PDE4B: variants seen among roughly 807,000 people sequenced by gnomAD.
The protein encoded by PDE4B is phosphodiesterase 4B.
PDE4B carries 20 observed loss-of-function variants against 82.2 expected under a neutral mutation model. The observed-to-expected ratio is 0.24, with a 90% CI of 0.17 to 0.35. The LOEUF is 0.35. Ranked by LOEUF, PDE4B falls within the 10% of genes least tolerant of loss-of-function variation. PDE4B has a pLI of 1.00. For missense variants in PDE4B, 655 were observed against 907.2 expected, an observed-to-expected ratio of 0.72 and a Z score of 3.57; for synonymous variants, 320 against 318.9, an observed-to-expected ratio of 1.00 and a Z score of -0.04.
chr1:66,187,691 A>G (rs1647307246), intron 3 of PDE4B, among the ~76,000 whole-genome samples: 1 of 144,552 alleles, frequency 6.9e-6, no homozygotes, highest in African/African-American at 2.6e-5. Flanking sequence ...CCCCTTTATC[A>G]TTTTTTATTG....
chr1:66,111,131 C>T (rs1475082806), intron 3 of PDE4B, among the ~76,000 whole-genome samples: 3 of 151,962 alleles, frequency 2.0e-5, no homozygotes, highest in Non-Finnish European at 2.9e-5. Flanking sequence ...ATTTAAGGCA[C>T]ACCAAATTCT....
At chr1:65,810,207 C>G (rs780375977) in intron 1 of PDE4B, among the ~76,000 whole-genome samples, 1 of 152,220 alleles carries the variant, frequency 6.6e-6, no homozygotes, top group Non-Finnish European at 1.5e-5. Context: ...TCCACACTTT[C>G]TGCTCTAGCA....
intron 3 of PDE4B, among the ~76,000 whole-genome samples, chr1:66,076,290 T>G (rs1656433501): frequency 6.6e-6 from 1 of 152,200 alleles, no homozygotes. Flanking sequence ...TGGGTTTCCA[T>G]TTCTGCATTA....
intron 3 of PDE4B, among the ~76,000 whole-genome samples, chr1:66,050,261 T>A (rs1490931897): frequency 6.6e-6 from 1 of 152,134 alleles, no homozygotes; most frequent in Non-Finnish European, 1.5e-5. Context: ...ACTCAGCTGC[T>A]TAAATGATCT....
At chr1:66,080,751 C>T (rs1656680912) in intron 3 of PDE4B, among the ~76,000 whole-genome samples, 1 of 151,986 alleles carries the variant, frequency 6.6e-6, no homozygotes, top group Non-Finnish European at 1.5e-5. Flanking sequence ...TTCTTTTCTT[C>T]TTTGTTAACT....
chr1:66,192,108 TA>T (rs946913645), intron 3 of PDE4B, among the ~76,000 whole-genome samples: 1 of 152,100 alleles, frequency 6.6e-6, no homozygotes, highest in African/African-American at 2.4e-5. Flanking sequence ...CCTGATGTAC[TA>T]AAAAAGGCTT....
chr1:66,303,417 G>C (rs6683977), intron 7 of PDE4B, among the ~76,000 whole-genome samples: 59,243 of 151,296 alleles, frequency 0.39, 14,916 homozygotes, highest in Non-Finnish European at 0.56. Flanking sequence ...AATATAATCT[G>C]TCACCTCATA....
At chr1:66,238,421 A>AGTGACATGATTTTATTATTGTGTTAAAAG (rs1271777923) in intron 3 of PDE4B, among the ~76,000 whole-genome samples, 1 of 152,196 alleles carries the variant, frequency 6.6e-6, no homozygotes, top group Non-Finnish European at 1.5e-5. Flanking sequence ...TCCTACAGGC[A>AGTGACATGATTTTATTATTGTGTTAAAAG]GTGACATGAT....
intron 3 of PDE4B, among the ~76,000 whole-genome samples, chr1:65,991,478 T>C (rs1021062550): frequency 6.6e-5 from 10 of 152,198 alleles, no homozygotes; most frequent in African/African-American, 2.4e-4. Context: ...ATCATTTCTT[T>C]TCTGTCACTC....
intron 13 of PDE4B, 27 bp downstream of exon 13, chr1:66,365,793 C>T: frequency 7.7e-7 from 1 of 1,292,998 alleles, no homozygotes; most frequent in South Asian, 1.3e-5. Flanking sequence ...AGCAGTCATT[C>T]CAGATAATTG....
chr1:66,198,664 G>T (rs1423236289), intron 3 of PDE4B, among the ~76,000 whole-genome samples: 1 of 152,076 alleles, frequency 6.6e-6, no homozygotes, highest in African/African-American at 2.4e-5. Flanking sequence ...CAACGTGCAG[G>T]TTTGTTACAT....
At chr1:65,859,967 G>A (rs542028549) in intron 1 of PDE4B, among the ~76,000 whole-genome samples, 32 of 152,288 alleles carry the variant, frequency 2.1e-4, no homozygotes, top group Middle Eastern at 6.8e-3. Context: ...ACTGATCTAT[G>A]TTCTTTGATT....
chr1:66,278,311 T>G (rs561117748), intron 7 of PDE4B, among the ~76,000 whole-genome samples: 1 of 152,346 alleles, frequency 6.6e-6, no homozygotes, highest in African/African-American at 2.4e-5. Context: ...TGAATGACTT[T>G]GCAGCTGCCC....
rs116466407 is a variant in PDE4B, at chr1:66,089,024, C to T, written c.282-158436C>T. ...AGAATGAGAAATAAAATGTACTGCA[C>T]TAAGCCACTGAGATTGACATTGTTG... On this transcript the variant is annotated intron_variant, in intron 3 of 16. Coordinates refer to ENST00000341517, the MANE Select transcript of PDE4B (RefSeq NM_002600.4). Among the ~76,000 whole-genome samples, 1,500 of 152,192 alleles carry T rather than the reference C, an allele frequency of 9.9e-3. 16 individuals carry two copies. The highest frequency in any genetic ancestry group is 0.016 in the Non-Finnish European group (1,064 of 68,006).
At chr1:66,045,599 T>G (rs1366167501) in intron 3 of PDE4B, among the ~76,000 whole-genome samples, 1 of 151,724 alleles carries the variant, frequency 6.6e-6, no homozygotes, top group Non-Finnish European at 1.5e-5. Context: ...ATATGGAAGA[T>G]ACTCAGGTTC....
intron 3 of PDE4B, among the ~76,000 whole-genome samples, chr1:66,203,856 C>A (rs1477605408): frequency 6.6e-6 from 1 of 152,202 alleles, no homozygotes; most frequent in East Asian, 1.9e-4. Context: ...CTTGTCAAGT[C>A]ATTCTCCGTC....
chr1:66,241,651 A>G (rs1652898316), intron 3 of PDE4B, among the ~76,000 whole-genome samples: 1 of 152,140 alleles, frequency 6.6e-6, no homozygotes, highest in Non-Finnish European at 1.5e-5. Flanking sequence ...GTTTCTGAGT[A>G]CAACCGAGGA....
At chr1:66,199,099 G>C (rs1056907975) in intron 3 of PDE4B, among the ~76,000 whole-genome samples, 1 of 151,892 alleles carries the variant, frequency 6.6e-6, no homozygotes, top group East Asian at 1.9e-4. Flanking sequence ...ATAGCAGCAT[G>C]ATTTATAGTC....
chr1:66,349,399 T>C (rs1661657283), intron 8 of PDE4B, among the ~76,000 whole-genome samples: 1 of 152,216 alleles, frequency 6.6e-6, no homozygotes, highest in African/African-American at 2.4e-5. Context: ...CACTCAATTC[T>C]AACATGTTTA....
Sources: gnomAD v4.1 joint callset for allele counts (sites outside exome capture counted in the v4.1 genomes callset) on GRCh38, gnomAD v4.1.1 for gene constraint, MANE v1.5 for transcripts, NCBI Gene and HGNC (gene_info 2026-07-23, HGNC 2026-07-21) for gene names.